NF1: variants seen among roughly 807,000 people sequenced by gnomAD.
The protein encoded by NF1 is neurofibromin.
In NF1, 122 loss-of-function variants were observed where a neutral mutation model predicts 325.7. The ratio of observed to expected loss-of-function variants is 0.37; its 90% CI spans 0.32 to 0.44. The LOEUF (loss-of-function observed/expected upper bound fraction) is 0.44. Ranked by LOEUF, NF1 falls within the 20% of genes least tolerant of loss-of-function variation. NF1 has a pLI of 1.00. For synonymous variants in NF1, 1,091 were observed against 1,186.0 expected, an observed-to-expected ratio of 0.92 and a Z score of 1.65; for missense variants, 2,140 against 3,415.4, an observed-to-expected ratio of 0.63 and a Z score of 9.31.
chr17:31,343,116 G>T lies in NF1; in HGVS notation c.7170G>T (p.Leu2390Phe), dbSNP rs751081026. The stretch of plus-strand genomic sequence containing the variant: ...TCAACTCTAACTTTAACTTTGCATT[G>T]GTTGGACACCTTTTAAAAGGTAAAA... Reference protein sequence around the residue: ...LNFNSNFNFALVGHLLKGYRH... With the variant: ...LNFNSNFNFAFVGHLLKGYRH... The change falls in exon 48 of 58, where the codon TTG becomes TTT. Residue 2390 changes from leucine (L) to phenylalanine (F), a missense_variant. Leu to Phe is a conservative substitution (Grantham distance 22, BLOSUM62 0). Around this residue, in one of 10 missense-constraint regions of NF1, gnomAD observed 522 missense variants for 749.0 expected, o/e 0.70. Coordinates refer to ENST00000358273, the MANE Select transcript of NF1 (RefSeq NM_001042492.3). The T allele has an allele frequency of 6.2e-7, 1 of 1,613,656 alleles. No homozygotes were observed. Among genetic ancestry groups the T allele is most frequent in the Non-Finnish European group, 8.5e-7 (1 of 1,179,710 alleles).
At position 31,336,186 on chromosome 17, in the gene NF1, A is replaced by G. The variant is rs1393159351; in HGVS notation, c.6007-147A>G. The G allele has an allele frequency of 2.7e-6, 2 of 734,064 alleles. No individual in the cohort carries two copies. The highest frequency in any genetic ancestry group is 1.7e-5 in the South Asian group (1 of 58,540). 45.5% of individuals were successfully genotyped at this position (734,064 alleles called of 1,614,324 possible). ...ATTTTATAATAAATTGTATTTACTGACAGGCCTGTAAATAAAATCTAGTAT... is the reference window on the plus strand; with the variant it reads ...ATTTTATAATAAATTGTATTTACTGGCAGGCCTGTAAATAAAATCTAGTAT... On this transcript the variant is annotated intron_variant, in intron 40 of 57. Transcript: ENST00000358273. The surrounding 1 kb of genome is among the most constrained non-coding windows in gnomAD (Gnocchi z 5.5).
At chr17:31,144,933 A>G (rs79399181) in intron 1 of NF1, among the ~76,000 whole-genome samples, 1,611 of 152,348 alleles carry the variant, frequency 0.011, 14 homozygotes, top group Non-Finnish European at 0.017. Flanking sequence ...TGACAGTTGG[A>G]AAATATAATC....
intron 5 of NF1, among the ~76,000 whole-genome samples, chr17:31,172,327 C>CTCTG (rs1250814405): frequency 7.1e-6 from 1 of 141,194 alleles, no homozygotes; most frequent in Non-Finnish European, 1.6e-5. Flanking sequence ...GAGATCCTGT[C>CTCTG]TCTGTCTGTC....
chr17:31,324,171 A>G (rs533290812), intron 36 of NF1, among the ~76,000 whole-genome samples: 3 of 152,176 alleles, frequency 2.0e-5, no homozygotes, highest in Non-Finnish European at 2.9e-5. Flanking sequence ...GGTTCAAGCA[A>G]TTCTCCTGCC....
chr17:31,346,112 G>A (rs2069975228), intron 48 of NF1: 3 of 1,611,716 alleles, frequency 1.9e-6, no homozygotes, highest in African/African-American at 2.7e-5. Flanking sequence ...CCGGAACGGA[G>A]ACGAACAAAA....
chr17:31,203,321 A>C (rs186859515), intron 11 of NF1, among the ~76,000 whole-genome samples: 1 of 152,196 alleles, frequency 6.6e-6, no homozygotes, highest in Non-Finnish European at 1.5e-5. Flanking sequence ...TAAAGAAAAA[A>C]ACTACATTGA....
intron 3 of NF1, among the ~76,000 whole-genome samples, chr17:31,161,245 A>G (rs2065756348): frequency 6.6e-6 from 1 of 152,192 alleles, no homozygotes; most frequent in Non-Finnish European, 1.5e-5. Context: ...TTAGATTTTT[A>G]TTTGTTAGAG....
At chr17:31,235,885 G>T in intron 28 of NF1, 33 bp from the exon 29 acceptor site, 1 of 1,607,992 alleles carries the variant, frequency 6.2e-7, no homozygotes, top group South Asian at 1.1e-5. Flanking sequence ...TATGGAGCAG[G>T]TATAATAAAC....
intron 1 of NF1, among the ~76,000 whole-genome samples, chr17:31,115,279 C>A (rs1386718262): frequency 6.6e-6 from 1 of 152,136 alleles, no homozygotes; most frequent in Non-Finnish European, 1.5e-5. Flanking sequence ...AGAGTAGAGA[C>A]TGATCCAGTC....
chr17:31,191,425 G>T (rs916375058), intron 8 of NF1, among the ~76,000 whole-genome samples: 1 of 152,144 alleles, frequency 6.6e-6, no homozygotes, highest in Non-Finnish European at 1.5e-5. Flanking sequence ...GTGATGCCTT[G>T]GAACTGTGGA....
At chr17:31,351,907 T>A (rs1456492019) in intron 50 of NF1, among the ~76,000 whole-genome samples, 2 of 152,120 alleles carry the variant, frequency 1.3e-5, no homozygotes, top group East Asian at 3.9e-4. Flanking sequence ...TGTTAGTGTA[T>A]TTTATATGTG....
intron 51 of NF1, among the ~76,000 whole-genome samples, chr17:31,355,056 T>G (rs1567626141): frequency 6.6e-6 from 1 of 152,210 alleles, no homozygotes; most frequent in Admixed American, 6.5e-5. Context: ...TCTATGAGTA[T>G]ATATCTAAGA....
chr17:31,337,961 A>G, intron 44 of NF1, 64 bp from the exon 45 acceptor site: 1 of 1,533,974 alleles, frequency 6.5e-7, no homozygotes, highest in Admixed American at 1.7e-5. Flanking sequence ...CAATGTTATA[A>G]TTTATTATTT....
intron 1 of NF1, among the ~76,000 whole-genome samples, chr17:31,141,990 C>T (rs1916252744): frequency 1.3e-5 from 2 of 151,990 alleles, no homozygotes. Context: ...TAATGTAAAC[C>T]CTACCCCCAT....
chr17:31,341,829 G>A (rs2069833352), intron 47 of NF1, among the ~76,000 whole-genome samples: 1 of 151,886 alleles, frequency 6.6e-6, no homozygotes, highest in South Asian at 2.1e-4. Flanking sequence ...ATAGAGGAGA[G>A]AATAAAATAG....
At chr17:31,337,127 TAG>T (rs2069697017) in intron 42 of NF1, among the ~76,000 whole-genome samples, 1 of 152,236 alleles carries the variant, frequency 6.6e-6, no homozygotes, top group African/African-American at 2.4e-5. Context: ...ACTTGTCATG[TAG>T]AGTTATCCCA....
chr17:31,228,149 A>G (rs1197663691), intron 20 of NF1, among the ~76,000 whole-genome samples: 1 of 152,238 alleles, frequency 6.6e-6, no homozygotes, highest in Non-Finnish European at 1.5e-5. Context: ...CCATAGAGTA[A>G]ATGAAATTTT....
At chr17:31,136,993 G>C (rs150646105) in intron 1 of NF1, 2 of 152,238 alleles carry the variant, frequency 1.3e-5, no homozygotes, top group African/African-American at 2.4e-5. Context: ...GGACAGTTAT[G>C]TTTCCCTCAG....
rs1443927317 is a variant in NF1, at chr17:31,375,912, C to T, written c.*1757C>T. 8.6e-6 allele frequency: 2 copies of T among 232,588 alleles called. No individual in the cohort carries two copies. Among genetic ancestry groups the T allele is most frequent in the African/African-American group, 4.4e-5 (2 of 45,232 alleles). 14.4% of individuals were successfully genotyped at this position (232,588 alleles called of 1,614,324 possible). ...TTTGCCAAAATAAGAGGAAAGAAAA[C>T]CTTAGTATTATTAATGAGTTTACCA... On this transcript the variant is annotated 3_prime_UTR_variant, in exon 58 of 58. Transcript: ENST00000358273.
Sources: allele counts gnomAD v4.1 joint callset (sites outside exome capture counted in the v4.1 genomes callset), GRCh38; gene constraint gnomAD v4.1.1; regional missense constraint gnomAD v4.1.1; non-coding constraint Gnocchi (gnomAD v3.1); transcripts MANE v1.5; gene names NCBI Gene and HGNC (gene_info 2026-07-23, HGNC 2026-07-21).